Variants in ZIM2 observed in about 807,000 individuals in gnomAD.
ZIM2 encodes zinc finger imprinted 2, also known as zinc finger protein 656.
Under a neutral mutation model 38.6 loss-of-function variants are expected in ZIM2, and 14 were observed. The ratio of observed to expected loss-of-function variants is 0.36; its 90% CI spans 0.24 to 0.57. The LOEUF (loss-of-function observed/expected upper bound fraction) is 0.57. Among genes scored for constraint, ZIM2 ranks in the 20% least tolerant of loss-of-function variants. ZIM2 has a pLI of 0.81. For missense variants in ZIM2, 680 were observed against 695.1 expected (o/e 0.98, Z 0.24); for synonymous variants, 247 against 245.8 (o/e 1.00, Z -0.04).
intron 2 of ZIM2, among the ~76,000 whole-genome samples, chr19:56,832,921 C>T (rs888551959): frequency 3.9e-5 from 6 of 152,182 alleles, no homozygotes; most frequent in Non-Finnish European, 7.3e-5. Context: ...CACTTTACTT[C>T]TATTCCATTA....
At chr19:56,799,555 T>TTACCTATG (rs1456121723) in intron 9 of ZIM2, 1 of 152,026 alleles carries the variant, frequency 6.6e-6, no homozygotes, top group African/African-American at 2.4e-5. Flanking sequence ...TGGCACACAT[T>TTACCTATG]TACCTATGTA....
intron 9 of ZIM2, among the ~76,000 whole-genome samples, chr19:56,792,024 G>GGT (rs1555789129): frequency 6.2e-4 from 84 of 134,610 alleles, no homozygotes; most frequent in Non-Finnish European, 9.2e-4. Context: ...AATCCCAGGA[G>GGT]TTTTTTTTTT....
In ZIM2 at chr19:56,816,350, A is replaced by C. The variant is rs35087473; in HGVS notation, c.490+1396T>G. The stretch of plus-strand genomic sequence containing the variant: ...ATTTTCTGATGCTCACTGAGCTCTG[A>C]GCTTTGCATGAAGGCATCCCGGCCA... On this transcript the variant is annotated intron_variant, in intron 9 of 12. Transcript: ENST00000629319. 1.0e-3 allele frequency: 1,685 copies of C among 1,614,090 alleles called. 21 individuals carry two copies. In the African/African-American group the frequency reaches 0.019, roughly 18 times the overall value.
chr19:56,811,195 A>C, intron 9 of ZIM2: 1 of 972,760 alleles, frequency 1.0e-6, no homozygotes, highest in Non-Finnish European at 1.2e-6. Flanking sequence ...TTTTAGTAAC[A>C]CTACCATAAA....
intron 9 of ZIM2, 121 bp from the exon 10 acceptor site, chr19:56,790,072 TC>T (rs897499307): frequency 3.0e-5 from 20 of 664,108 alleles, no homozygotes; most frequent in Non-Finnish European, 4.2e-5. Flanking sequence ...GCTCTAGAGT[TC>T]CTATGGTGAG....
At chr19:56,817,140 G>GAGGCTGCTC (rs749578800) in intron 9 of ZIM2, 12 of 1,614,200 alleles carry the variant, frequency 7.4e-6, no homozygotes, top group Admixed American at 6.7e-5. Context: ...AGGGGGAGCT[G>GAGGCTGCTC]AGGCTGCTCA....
Position 56,824,266 on chromosome 19 carries a change from T to C in ZIM2, c.12A>G (p.Pro4=), listed in dbSNP as rs764482053. The change falls in exon 4 of 13, where the codon CCA becomes CCG. Residue 4 remains proline, a synonymous_variant. Coordinates refer to ENST00000629319, the MANE Select transcript of ZIM2 (RefSeq NM_001387356.1). The part of the protein sequence containing the change: MYQ[P]EDDNNSDVTS... Reference sequence around the variant, plus strand: ...ACACCCCGTGGAGACTCTCACCTTCTGGTTGGTACATCTCCTTGTAATTCT... The same window carrying C: ...ACACCCCGTGGAGACTCTCACCTTCCGGTTGGTACATCTCCTTGTAATTCT... 5 of 1,613,344 alleles carry C rather than the reference T, an allele frequency of 3.1e-6. No individual in the cohort carries two copies. The Admixed American group carries it at 6.7e-5, about 22-fold the overall frequency.
chr19:56,817,381 A>C, intron 9 of ZIM2: 1 of 1,613,984 alleles, frequency 6.2e-7, no homozygotes, highest in Non-Finnish European at 8.5e-7. Context: ...CCTCTTGTTC[A>C]ATGAAATGTC....
chr19:56,795,201 C>T (rs1315436765), intron 9 of ZIM2, among the ~76,000 whole-genome samples: 1 of 152,184 alleles, frequency 6.6e-6, no homozygotes, highest in Admixed American at 6.5e-5. Flanking sequence ...GGCTCCAGGC[C>T]CACCAGCGCA....
intron 9 of ZIM2, chr19:56,799,305 G>A (rs2047387642): frequency 6.6e-6 from 1 of 152,174 alleles, no homozygotes. Flanking sequence ...GCAGGGACCT[G>A]GATGGAACCA....
chr19:56,836,880 G>A (rs1036638115), intron 1 of ZIM2, among the ~76,000 whole-genome samples: 10 of 146,814 alleles, frequency 6.8e-5, no homozygotes, highest in African/African-American at 2.5e-4. Context: ...TGGGGTGGGA[G>A]AATCACTTGA....
At chr19:56,816,949 C>A in intron 9 of ZIM2, 3 of 1,614,198 alleles carry the variant, frequency 1.9e-6, no homozygotes, top group Non-Finnish European at 2.5e-6. Flanking sequence ...TCCAACCTGA[C>A]TTTTCTGAAC....
In ZIM2 at chr19:56,790,252, CCT is replaced by C. The variant is rs1013792194; in HGVS notation, c.491-303_491-302del. On this transcript the variant is annotated intron_variant, in intron 9 of 12. Transcript: ENST00000629319. ...CTGTCCAGTCAAGATCACCACAGAA[CCT>C]CTGTTTCTCAACTGTAAAGCAGAAA... is the stretch of plus-strand genomic sequence containing the variant. 3.3e-5 allele frequency among the ~76,000 whole-genome samples: 5 copies of C among 152,186 alleles called. No individual in the cohort carries two copies. The East Asian group carries it at 5.8e-4, about 18-fold the overall frequency.
At chr19:56,816,228 T>C (rs2059966348) in intron 9 of ZIM2, 2 of 1,614,164 alleles carry the variant, frequency 1.2e-6, no homozygotes, top group Non-Finnish European at 1.7e-6. Flanking sequence ...CAAGAGGTCT[T>C]GTTATAGTAT....
intron 1 of ZIM2, among the ~76,000 whole-genome samples, chr19:56,838,483 G>C (rs2062474727): frequency 6.6e-6 from 1 of 152,180 alleles, no homozygotes; most frequent in African/African-American, 2.4e-5. Flanking sequence ...CGCCAGCAGG[G>C]CGCCTGCACA....
At position 56,814,958 on chromosome 19, in the gene ZIM2, G is replaced by A. The variant is rs756843191; in HGVS notation, c.490+2788C>T. On this transcript the variant is annotated intron_variant, in intron 9 of 12. Transcript: ENST00000629319. This position sits in a 1 kb window ranked among gnomAD's most constrained non-coding sequence, Gnocchi z 5.8. ...TCCCCACACTTTGGACATTCATACA[G>A]CTGCTCTCCAGTGTAATCTCTCTGA... 6 of 1,614,016 alleles carry A rather than the reference G, an allele frequency of 3.7e-6. No homozygotes were observed. Among genetic ancestry groups the A allele is most frequent in the Non-Finnish European group, 5.1e-6 (6 of 1,179,984 alleles).
At chr19:56,796,872 G>A (rs904896354) in intron 9 of ZIM2, among the ~76,000 whole-genome samples, 17 of 152,326 alleles carry the variant, frequency 1.1e-4, no homozygotes, top group Admixed American at 3.3e-4. Context: ...GTAGGGTGTC[G>A]TCAGAAAGCA....
At chr19:56,811,736 C>T in intron 9 of ZIM2, 1 of 985,570 alleles carries the variant, frequency 1.0e-6, no homozygotes, top group Non-Finnish European at 1.2e-6. Flanking sequence ...CCGTTCCAAC[C>T]TCAGTCCTTC....
intron 10 of ZIM2, among the ~76,000 whole-genome samples, chr19:56,786,438 C>T (rs143542999): frequency 2.4e-4 from 36 of 152,216 alleles, no homozygotes; most frequent in African/African-American, 8.4e-4. Flanking sequence ...GATGACACTA[C>T]CAGAATCATT....
Sources: allele counts gnomAD v4.1 joint callset (sites outside exome capture counted in the v4.1 genomes callset), GRCh38; gene constraint gnomAD v4.1.1; non-coding constraint Gnocchi (gnomAD v3.1); transcripts MANE v1.5; gene names NCBI Gene and HGNC (gene_info 2026-07-23, HGNC 2026-07-21).